TENM2: variants seen among roughly 807,000 people sequenced by gnomAD.
The protein encoded by TENM2 is teneurin-2.
In TENM2, 52 loss-of-function variants were observed where a neutral mutation model predicts 245.2. The ratio of observed to expected loss-of-function variants is 0.21; its 90% CI spans 0.17 to 0.27. The LOEUF is 0.27. TENM2 is among the 10% of genes least tolerant of loss of function. TENM2 has a pLI of 1.00. For missense variants in TENM2, 3,046 were observed against 3,666.8 expected (o/e 0.83, Z 4.37); for synonymous variants, 1,363 against 1,438.9 (o/e 0.95, Z 1.19).
chr5:166,985,961 T>C, the TENM2 span, among the ~76,000 whole-genome samples: 1 of 152,216 alleles, frequency 6.6e-6, no homozygotes, highest in Non-Finnish European at 1.5e-5. Context: ...GTCTGTACTC[T>C]TTGCAATAAA....
At chr5:166,984,594 T>G in the TENM2 span, among the ~76,000 whole-genome samples, 3 of 152,058 alleles carry the variant, frequency 2.0e-5, no homozygotes, top group Admixed American at 6.5e-5. Flanking sequence ...TTGTAACATG[T>G]TTTTTTAAAA....
chr5:167,947,390 G>T (rs1263456108), intron 3 of TENM2, among the ~76,000 whole-genome samples: 1 of 152,148 alleles, frequency 6.6e-6, no homozygotes, highest in African/African-American at 2.4e-5. Flanking sequence ...TGTATGAGAA[G>T]TAAGATTACT....
chr5:167,640,664 T>G (rs1254626492), intron 2 of TENM2, among the ~76,000 whole-genome samples: 1 of 149,948 alleles, frequency 6.7e-6, no homozygotes, highest in Non-Finnish European at 1.5e-5. Context: ...AATATATACC[T>G]TGCAATGATA....
rs1048310193 is a variant in TENM2, at chr5:168,206,911, C to T, written c.3824+2290C>T. ...TTCTTCCTGCTCAGAGGCTAATCAG[C>T]CCTCACCTGGTACAGTCTCACCTCC... On this transcript the variant is annotated intron_variant, in intron 19 of 28. Coordinates refer to ENST00000518659, the Ensembl canonical transcript of TENM2. 2.0e-5 allele frequency among the ~76,000 whole-genome samples: 3 copies of T among 152,268 alleles called. No individual in the cohort carries two copies. The South Asian group carries it at 6.2e-4, about 32-fold the overall frequency.
chr5:167,502,762 G>A (rs1036184964), intron 2 of TENM2, among the ~76,000 whole-genome samples: 3 of 152,078 alleles, frequency 2.0e-5, no homozygotes, highest in African/African-American at 4.8e-5. Context: ...TGTGGTCCTG[G>A]GATAATTGTG....
At chr5:167,124,463 C>T in the TENM2 span, among the ~76,000 whole-genome samples, 3 of 152,096 alleles carry the variant, frequency 2.0e-5, no homozygotes, top group Non-Finnish European at 4.4e-5. Context: ...AAAACCTTGC[C>T]CATTGTAGGC....
intron 17 of TENM2, among the ~76,000 whole-genome samples, chr5:168,201,723 T>G (rs1761957946): frequency 6.6e-6 from 1 of 152,226 alleles, no homozygotes; most frequent in Non-Finnish European, 1.5e-5. Context: ...ATCCACCTTT[T>G]GCAATTGGTT....
intron 2 of TENM2, among the ~76,000 whole-genome samples, chr5:167,497,510 A>G (rs1768896068): frequency 6.6e-6 from 1 of 152,086 alleles, no homozygotes; most frequent in African/African-American, 2.4e-5. Flanking sequence ...TGGATTGAAG[A>G]TCTGCTTTTG....
intron 2 of TENM2, among the ~76,000 whole-genome samples, chr5:167,395,292 G>T (rs1390479103): frequency 3.3e-5 from 5 of 152,078 alleles, no homozygotes; most frequent in Non-Finnish European, 5.9e-5. Context: ...AAATAGTTCA[G>T]TGTTAGTGTA....
chr5:168,237,034 G>T (rs1229375775), intron 25 of TENM2, among the ~76,000 whole-genome samples: 2 of 13,810 alleles, frequency 1.4e-4, no homozygotes, highest in African/African-American at 2.1e-4. Flanking sequence ...TTTTTTTTTT[G>T]AGACAGAGCC....
the TENM2 span, among the ~76,000 whole-genome samples, chr5:167,259,476 G>C: frequency 6.6e-6 from 1 of 152,168 alleles, no homozygotes; most frequent in Non-Finnish European, 1.5e-5. Context: ...CTTCATGCCA[G>C]ATATGGCTAT....
At chr5:167,295,983 C>T (rs1326241573) in intron 1 of TENM2, among the ~76,000 whole-genome samples, 1 of 152,164 alleles carries the variant, frequency 6.6e-6, no homozygotes, top group African/African-American at 2.4e-5. Flanking sequence ...TAAGGTCCAA[C>T]AGACTTTTAT....
intron 2 of TENM2, among the ~76,000 whole-genome samples, chr5:167,473,664 A>AG (rs1424580608): frequency 6.6e-6 from 1 of 152,180 alleles, no homozygotes; most frequent in Non-Finnish European, 1.5e-5. Flanking sequence ...GTAGATTGTG[A>AG]GTCAATGTCC....
intron 3 of TENM2, among the ~76,000 whole-genome samples, chr5:167,899,884 G>C (rs1168945658): frequency 2.6e-5 from 4 of 152,076 alleles, no homozygotes; most frequent in Admixed American, 2.0e-4. Context: ...TCTGAACAAA[G>C]AGAAATAAAA....
chr5:167,297,033 C>G (rs1466047590), intron 1 of TENM2, among the ~76,000 whole-genome samples: 1 of 152,156 alleles, frequency 6.6e-6, no homozygotes, highest in Non-Finnish European at 1.5e-5. Flanking sequence ...AGGGAGGACC[C>G]AGGCATCAGC....
chr5:167,595,138 A>G (rs993102668), intron 2 of TENM2, among the ~76,000 whole-genome samples: 5 of 152,222 alleles, frequency 3.3e-5, no homozygotes, highest in East Asian at 1.9e-4. Context: ...CTTCTTTTAC[A>G]TGAGCAGCTA....
intron 1 of TENM2, among the ~76,000 whole-genome samples, chr5:167,289,255 TC>T (rs1365748530): frequency 6.6e-6 from 1 of 152,206 alleles, no homozygotes; most frequent in African/African-American, 2.4e-5. Flanking sequence ...AAGAAAGGTG[TC>T]ACTATCTAAA....
intron 1 of TENM2, among the ~76,000 whole-genome samples, chr5:167,366,061 CAGT>C (rs1554140140): frequency 6.6e-6 from 1 of 151,056 alleles, no homozygotes; most frequent in Non-Finnish European, 1.5e-5. Context: ...CATACACAGA[CAGT>C]AGGTAGAGTC....
At chr5:167,887,692 A>G (rs552120315) in intron 3 of TENM2, among the ~76,000 whole-genome samples, 1 of 152,324 alleles carries the variant, frequency 6.6e-6, no homozygotes, top group Non-Finnish European at 1.5e-5. Flanking sequence ...TCATTGATAA[A>G]TGTTTTGTAG....
Sources: allele counts gnomAD v4.1 joint callset (sites outside exome capture counted in the v4.1 genomes callset), GRCh38; gene constraint gnomAD v4.1.1; transcripts MANE v1.5; gene names NCBI Gene and HGNC (gene_info 2026-07-23, HGNC 2026-07-21).